RGS5: variants seen among roughly 807,000 people sequenced by gnomAD.
RGS5 encodes regulator of G-protein signalling 5.
In RGS5, 20 loss-of-function variants were observed where a neutral mutation model predicts 18.9. The observed-to-expected ratio is 1.06, with a 90% CI of 0.74 to 1.54. The LOEUF (loss-of-function observed/expected upper bound fraction) is 1.54. Among genes scored for constraint, RGS5 ranks in the 40% most tolerant of loss-of-function variants. RGS5 has a pLI of 0.00. For missense variants in RGS5, 201 were observed against 211.8 expected (o/e 0.95, Z 0.32); for synonymous variants, 57 against 76.2 (o/e 0.75, Z 1.31).
intron 4 of RGS5, among the ~76,000 whole-genome samples, chr1:163,149,330 C>G (rs1171465565): frequency 6.6e-6 from 1 of 152,146 alleles, no homozygotes; most frequent in Non-Finnish European, 1.5e-5. Flanking sequence ...ACACTGAAAG[C>G]AATGCTTCTT....
intron 3 of RGS5, among the ~76,000 whole-genome samples, chr1:163,158,239 C>T (rs1356849913): frequency 6.6e-6 from 1 of 152,072 alleles, no homozygotes; most frequent in African/African-American, 2.4e-5. Context: ...TCTGGGCAAG[C>T]CTGGCATTCC....
intron 2 of RGS5, among the ~76,000 whole-genome samples, chr1:163,227,622 A>T (rs934418298): frequency 2.6e-5 from 4 of 150,968 alleles, no homozygotes; most frequent in African/African-American, 9.8e-5. Flanking sequence ...ATTTCAAAAC[A>T]CAATCATGCC....
intron 1 of RGS5, among the ~76,000 whole-genome samples, chr1:163,321,025 C>T (rs1396580686): frequency 6.6e-6 from 1 of 152,190 alleles, no homozygotes; most frequent in African/African-American, 2.4e-5. Context: ...GGCTTTCTCC[C>T]CTGACAACCA....
At chr1:163,154,644 C>A (rs1010180968) in intron 3 of RGS5, among the ~76,000 whole-genome samples, 55 of 151,786 alleles carry the variant, frequency 3.6e-4, no homozygotes, top group Middle Eastern at 3.2e-3. Context: ...CATTTGATAA[C>A]CTGTAACTGG....
At chr1:163,269,461 G>A (rs1648658969) in intron 2 of RGS5, among the ~76,000 whole-genome samples, 1 of 152,006 alleles carries the variant, frequency 6.6e-6, no homozygotes, top group Non-Finnish European at 1.5e-5. Context: ...GGATTCAGTG[G>A]GGAAAAAAAT....
At chr1:163,206,972 TTTG>T (rs1483325817), upstream of RGS5, 1 of 152,204 alleles carries the variant, frequency 6.6e-6, no homozygotes, top group Non-Finnish European at 1.5e-5. Flanking sequence ...ATTTTTTGTT[TTTG>T]TTTTTAGATT....
At chr1:163,164,448 C>T (rs563797238) in intron 2 of RGS5, among the ~76,000 whole-genome samples, 15 of 152,304 alleles carry the variant, frequency 9.8e-5, no homozygotes, top group Admixed American at 2.0e-4. Context: ...CAGGAAGTGG[C>T]CATCTCTGCT....
intron 1 of RGS5, among the ~76,000 whole-genome samples, chr1:163,185,441 A>T (rs1225291564): frequency 6.6e-6 from 1 of 152,182 alleles, no homozygotes; most frequent in Non-Finnish European, 1.5e-5. Context: ...ATCTGCTACA[A>T]ATAGCTTCCC....
intron 2 of RGS5, among the ~76,000 whole-genome samples, chr1:163,242,951 T>G (rs776583184): frequency 6.6e-6 from 1 of 152,208 alleles, no homozygotes; most frequent in African/African-American, 2.4e-5. Context: ...CCGTGAGTGG[T>G]AATAGTTTTA....
At chr1:163,219,991 T>C (rs1647199048), upstream of RGS5, among the ~76,000 whole-genome samples, 1 of 152,116 alleles carries the variant, frequency 6.6e-6, no homozygotes, top group Admixed American at 6.5e-5. Flanking sequence ...ATACCGCCAG[T>C]TTTTCAGAAT....
intron 2 of RGS5, among the ~76,000 whole-genome samples, chr1:163,286,595 A>G (rs983865145): frequency 6.6e-6 from 1 of 151,658 alleles, no homozygotes; most frequent in African/African-American, 2.4e-5. Flanking sequence ...ATTTTATGGT[A>G]TTTTATCAAG....
chr1:163,148,479 T>C (rs1009873020), intron 4 of RGS5, among the ~76,000 whole-genome samples: 2 of 152,216 alleles, frequency 1.3e-5, no homozygotes, highest in Non-Finnish European at 2.9e-5. Context: ...GATGAACTCA[T>C]TTAATCTTAT....
At chr1:163,173,569 G>GA (rs1443275022) in intron 1 of RGS5, among the ~76,000 whole-genome samples, 2 of 152,140 alleles carry the variant, frequency 1.3e-5, no homozygotes, top group Non-Finnish European at 2.9e-5. Context: ...ACTAAAAACA[G>GA]AAACATGGTT....
rs528954102 is a variant in RGS5, at chr1:163,158,942, G to T, written c.217+2973C>A. On this transcript the variant is annotated intron_variant, in intron 3 of 4. Transcript: ENST00000313961. ...CATAAAAGACAGCCGTTCCCAAAGC[G>T]GCCATTTCAGAGGCCTCCCCTCAGG... 1.2e-4 allele frequency among the ~76,000 whole-genome samples: 18 copies of T among 152,184 alleles called. No homozygotes were observed. The South Asian group carries it at 2.5e-3, about 21-fold the overall frequency.
At chr1:163,151,199 C>T (rs1378759232) in intron 4 of RGS5, among the ~76,000 whole-genome samples, 1 of 152,138 alleles carries the variant, frequency 6.6e-6, no homozygotes, top group African/African-American at 2.4e-5. Flanking sequence ...CTTTAATAGT[C>T]AATCAGTGGT....
At chr1:163,178,292 C>CA (rs1658653747) in intron 1 of RGS5, among the ~76,000 whole-genome samples, 1 of 150,834 alleles carries the variant, frequency 6.6e-6, no homozygotes, top group Admixed American at 6.6e-5. Flanking sequence ...GCCTAGAAAA[C>CA]AAAAGGGAGA....
chr1:163,286,591 T>C (rs959704371), intron 2 of RGS5, among the ~76,000 whole-genome samples: 1 of 152,098 alleles, frequency 6.6e-6, no homozygotes, highest in African/African-American at 2.4e-5. Context: ...TTTTATTTTA[T>C]GGTATTTTAT....
chr1:163,184,563 G>T (rs933068192), intron 1 of RGS5, among the ~76,000 whole-genome samples: 1 of 152,114 alleles, frequency 6.6e-6, no homozygotes, highest in Non-Finnish European at 1.5e-5. Flanking sequence ...GTGGCAGAAG[G>T]GACTTTGCAG....
intron 2 of RGS5, among the ~76,000 whole-genome samples, chr1:163,272,356 T>C (rs1407768763): frequency 6.6e-6 from 1 of 152,080 alleles, no homozygotes; most frequent in Non-Finnish European, 1.5e-5. Flanking sequence ...AGTGTGAAGT[T>C]TATCTTTTCC....
Sources: gnomAD v4.1 joint callset for allele counts (sites outside exome capture counted in the v4.1 genomes callset) on GRCh38, gnomAD v4.1.1 for gene constraint, MANE v1.5 for transcripts, NCBI Gene and HGNC (gene_info 2026-07-23, HGNC 2026-07-21) for gene names.